The following ANO4 variants were observed in gnomAD, a reference collection of about 807,000 sequenced individuals.
ANO4 encodes anoctamin-4.
Under a neutral mutation model 141.9 loss-of-function variants are expected in ANO4, and 69 were observed. The observed-to-expected ratio is 0.49, with a 90% CI of 0.40 to 0.59. The LOEUF is 0.59. Ranked by LOEUF, ANO4 falls within the 20% of genes least tolerant of loss-of-function variation. The pLI, the probability that ANO4 is intolerant of heterozygous loss-of-function variation, is 0.00. For synonymous variants in ANO4, 350 were observed against 394.3 expected (o/e 0.89, Z 1.33); for missense variants, 894 against 1,162.2 (o/e 0.77, Z 3.36).
At chr12:100,783,419 T>G (rs928215934) in intron 3 of ANO4, among the ~76,000 whole-genome samples, 26 of 152,220 alleles carry the variant, frequency 1.7e-4, no homozygotes, top group African/African-American at 6.0e-4. Flanking sequence ...TCGTTTTGGC[T>G]GGACATTCGT....
intron 10 of ANO4, chr12:101,039,200 A>G (rs926342221): frequency 1.3e-5 from 2 of 152,052 alleles, no homozygotes; most frequent in African/African-American, 2.4e-5. Flanking sequence ...CAACTATCCT[A>G]TCTTGAAAGA....
At chr12:101,042,593 GA>G in intron 12 of ANO4, 125 bp downstream of exon 12, 1 of 1,338,284 alleles carries the variant, frequency 7.5e-7, no homozygotes, top group Non-Finnish European at 1.0e-6. Context: ...CCCTCTCATG[GA>G]AAAACTCAAA....
intron 6 of ANO4, 157 bp from the exon 7 acceptor site, chr12:100,974,688 T>C: frequency 1.3e-6 from 1 of 797,412 alleles, no homozygotes; most frequent in Admixed American, 1.7e-5. Flanking sequence ...ATGCCCTGTG[T>C]TCCCACTGTA....
intron 1 of ANO4, among the ~76,000 whole-genome samples, chr12:100,895,174 G>T (rs1006401609): frequency 6.6e-6 from 1 of 151,262 alleles, no homozygotes; most frequent in African/African-American, 2.4e-5. Context: ...AAGAATAGAT[G>T]AGTCTTATGT....
intron 3 of ANO4, among the ~76,000 whole-genome samples, chr12:100,930,488 C>G (rs2042047309): frequency 6.6e-6 from 1 of 152,104 alleles, no homozygotes; most frequent in African/African-American, 2.4e-5. Flanking sequence ...AATGAATTTA[C>G]TATAGATGTA....
At chr12:100,975,660 C>T (rs755053416) in intron 7 of ANO4, among the ~76,000 whole-genome samples, 9 of 152,002 alleles carry the variant, frequency 5.9e-5, no homozygotes, top group African/African-American at 1.2e-4. Flanking sequence ...AGGCTAGTCT[C>T]GAACTCCTGA....
At chr12:100,737,982 A>C (rs983083390) in intron 2 of ANO4, among the ~76,000 whole-genome samples, 1 of 152,180 alleles carries the variant, frequency 6.6e-6, no homozygotes, top group African/African-American at 2.4e-5. Flanking sequence ...AGGGAACAGA[A>C]GAAAGACTCC....
chr12:100,966,311 T>C (rs1012101525), intron 5 of ANO4, among the ~76,000 whole-genome samples: 1 of 152,236 alleles, frequency 6.6e-6, no homozygotes, highest in African/African-American at 2.4e-5. Context: ...CAATAAGATA[T>C]GCATTGCTAT....
chr12:100,944,762 G>C (rs1477843903), intron 5 of ANO4, among the ~76,000 whole-genome samples: 1 of 152,096 alleles, frequency 6.6e-6, no homozygotes, highest in Non-Finnish European at 1.5e-5. Context: ...TTCTCTTATA[G>C]ATAAATTAAT....
rs567056108 is a variant in ANO4 at position 100,786,526 on chromosome 12, T to G, written c.358+46421T>G. On this transcript the variant is annotated intron_variant, in intron 3 of 29. Transcript: ENST00000644049. ...ATTGGGATAGCCCCAGTCTCTACAC[T>G]GAAATTTTGTGCTCAGGAAGACAGG... is the stretch of plus-strand genomic sequence containing the variant. Among the ~76,000 whole-genome samples, 10 of 152,292 alleles carry G rather than the reference T, an allele frequency of 6.6e-5. No individual in the cohort carries two copies. In the South Asian group the frequency reaches 1.2e-3, roughly 19 times the overall value.
At chr12:100,811,549 C>A (rs145277343) in intron 1 of ANO4, among the ~76,000 whole-genome samples, 78 of 152,252 alleles carry the variant, frequency 5.1e-4, no homozygotes, top group Admixed American at 1.4e-3. Flanking sequence ...AGTTCCCCTG[C>A]AAAATTGATG....
intron 5 of ANO4, among the ~76,000 whole-genome samples, chr12:100,950,206 C>A (rs1056034500): frequency 6.6e-6 from 1 of 152,022 alleles, no homozygotes; most frequent in African/African-American, 2.4e-5. Context: ...TTTCTGTCCT[C>A]TAGGGCTTTC....
At chr12:100,991,513 TAAAAAAAAA>T (rs59975425) in intron 8 of ANO4, among the ~76,000 whole-genome samples, 1 of 111,174 alleles carries the variant, frequency 9.0e-6, no homozygotes, top group Non-Finnish European at 1.8e-5. Context: ...ATGAAAATAG[TAAAAAAAAA>T]AAAAAAAAAA....
At chr12:100,754,120 G>A (rs1247537928) in intron 3 of ANO4, among the ~76,000 whole-genome samples, 2 of 152,130 alleles carry the variant, frequency 1.3e-5, no homozygotes, top group Non-Finnish European at 2.9e-5. Flanking sequence ...GGGATGTGAG[G>A]GTGACTAAGA....
rs148998777 is a variant in ANO4 at position 101,056,392 on chromosome 12, G to T, written c.1312+7991G>T. ...TATTTTTCTGTAATTTCAATTGCCA[G>T]TTATTCATTGCTACTACATAGAAAT... On this transcript the variant is annotated intron_variant, in intron 14 of 27. Transcript: ENST00000392977. Among the ~76,000 whole-genome samples the T allele has an allele frequency of 5.7e-3, 866 of 152,120 alleles. 7 individuals are homozygous for T. The highest frequency in any genetic ancestry group is 0.02 in the African/African-American group (833 of 41,522).
At chr12:100,943,440 A>G (rs1219489970) in intron 5 of ANO4, among the ~76,000 whole-genome samples, 1 of 152,232 alleles carries the variant, frequency 6.6e-6, no homozygotes, top group Non-Finnish European at 1.5e-5. Context: ...AGTTGTGCCA[A>G]GGTATCAAAT....
intron 5 of ANO4, among the ~76,000 whole-genome samples, chr12:100,950,609 T>C (rs1486519837): frequency 6.6e-6 from 1 of 152,146 alleles, no homozygotes; most frequent in Admixed American, 6.5e-5. Context: ...AGAGAACAGC[T>C]AAGCCAAAAG....
intron 14 of ANO4, 120 bp from the exon 15 acceptor site, chr12:101,079,073 C>A: frequency 1.2e-6 from 1 of 811,346 alleles, no homozygotes; most frequent in Non-Finnish European, 2.1e-6. Flanking sequence ...TTCTGATATT[C>A]GATGATGCTT....
chr12:100,806,524 G>GTTTCTTTTTTTT (rs2035046093), intron 1 of ANO4, among the ~76,000 whole-genome samples: 1 of 59,838 alleles, frequency 1.7e-5, no homozygotes, highest in African/African-American at 5.6e-5. Context: ...TTTTTGTTTC[G>GTTTCTTTTTTTT]TTTTTTTTTT....
Sources: gnomAD v4.1 joint callset for allele counts (sites outside exome capture counted in the v4.1 genomes callset) on GRCh38, gnomAD v4.1.1 for gene constraint, MANE v1.5 for transcripts, NCBI Gene and HGNC (gene_info 2026-07-23, HGNC 2026-07-21) for gene names.